FRYL: variants seen among roughly 807,000 people sequenced by gnomAD.
The protein encoded by FRYL is FRY like transcription coactivator, also known as protein furry homolog-like.
A neutral mutation model predicts 351.2 loss-of-function variants in FRYL; 150 were observed. The ratio of observed to expected loss-of-function variants is 0.43; its 90% CI spans 0.37 to 0.49. FRYL has a LOEUF of 0.49. FRYL is among the 20% of genes least tolerant of loss of function. The probability of loss-of-function intolerance (pLI) is 0.00; values close to 1 mark genes in which losing one functional copy is unlikely to be tolerated. For missense variants in FRYL, 3,036 were observed against 3,619.3 expected, an observed-to-expected ratio of 0.84 and a Z score of 4.13; for synonymous variants, 1,153 against 1,257.1, an observed-to-expected ratio of 0.92 and a Z score of 1.75.
rs900160215 is a variant in FRYL, at chr4:48,563,707, A to G, written c.3596+241T>C. The stretch of plus-strand genomic sequence containing the variant: ...CCTGGGTGACAGCGAGACCATGTCT[A>G]AAAAAAAAAAAAAAGGAGTATACGG... On this transcript the variant is annotated intron_variant, in intron 31 of 63. Transcript: ENST00000358350. Among the ~76,000 whole-genome samples the G allele has an allele frequency of 4.4e-5, 6 of 136,394 alleles. No homozygotes were observed. The East Asian group carries it at 1.3e-3, about 29-fold the overall frequency. 89.5% of individuals were successfully genotyped at this position (136,394 alleles called of 152,430 possible).
At chr4:48,534,973 G>C (rs994842339) in intron 48 of FRYL, among the ~76,000 whole-genome samples, 3 of 152,088 alleles carry the variant, frequency 2.0e-5, no homozygotes, top group Admixed American at 1.3e-4. Context: ...AACATTTTTA[G>C]TGACTAGGAA....
intron 3 of FRYL, 27 bp from the exon 4 acceptor site, chr4:48,634,517 C>G: frequency 1.3e-6 from 2 of 1,572,858 alleles, no homozygotes; most frequent in Non-Finnish European, 1.7e-6. Flanking sequence ...CAAAAGAACT[C>G]TACTTTAATA....
At chr4:48,540,165 C>CT in intron 46 of FRYL, 97 bp from the exon 47 acceptor site, 1 of 1,170,024 alleles carries the variant, frequency 8.5e-7, no homozygotes, top group Non-Finnish European at 1.2e-6. Context: ...AAACCATTTT[C>CT]TTTTCATTTC....
At chr4:48,716,125 C>A (rs1163836726) in intron 1 of FRYL, among the ~76,000 whole-genome samples, 1 of 152,086 alleles carries the variant, frequency 6.6e-6, no homozygotes, top group Admixed American at 6.6e-5. Context: ...AAAATCAATT[C>A]AAGATGGATT....
chr4:48,539,676 TAAAC>T (rs891002558), intron 47 of FRYL, among the ~76,000 whole-genome samples: 3 of 151,904 alleles, frequency 2.0e-5, no homozygotes, highest in Admixed American at 6.6e-5. Context: ...TGGTAGTAAA[TAAAC>T]GAATGAATGA....
chr4:48,547,744 C>G lies in FRYL; in HGVS notation c.4914G>C (p.Val1638=), dbSNP rs376432476. ...GAAGCAGGCGTTTACAATGTTCATACACCTCAGGGTGGCAGTGGTCAAACC... is the reference window on the plus strand; with the variant it reads ...GAAGCAGGCGTTTACAATGTTCATAGACCTCAGGGTGGCAGTGGTCAAACC... ...FIGFDHCHPE[V]YEHCKRLLLH... Residue 1638 remains valine (V), a synonymous_variant, in exon 41 of 64, where the codon GTG becomes GTC. Transcript: ENST00000358350. The G allele has an allele frequency of 1.0e-5, 16 of 1,555,304 alleles. No individual in the cohort carries two copies. The African/African-American group carries it at 1.9e-4, about 18-fold the overall frequency.
At chr4:48,711,689 G>C (rs1225027727) in intron 1 of FRYL, among the ~76,000 whole-genome samples, 1 of 152,242 alleles carries the variant, frequency 6.6e-6, no homozygotes, top group Non-Finnish European at 1.5e-5. Flanking sequence ...AAATGTCCCT[G>C]TCTGACAGCT....
chr4:48,744,944 G>A (rs896423668), intron 1 of FRYL, among the ~76,000 whole-genome samples: 1 of 152,116 alleles, frequency 6.6e-6, no homozygotes, highest in Non-Finnish European at 1.5e-5. Context: ...TACAAAGAAG[G>A]CGGCAAAGGA....
intron 19 of FRYL, among the ~76,000 whole-genome samples, chr4:48,585,657 G>C (rs200095951): frequency 2.0e-5 from 3 of 152,146 alleles, no homozygotes; most frequent in Non-Finnish European, 4.4e-5. Context: ...GGCTGCTTTT[G>C]TACTATAATG....
At position 48,753,671 on chromosome 4, in the gene FRYL, G is replaced by T. The variant is rs1354595265; in HGVS notation, c.-384+26407C>A. Among the ~76,000 whole-genome samples, 4 of 151,970 alleles carry T rather than the reference G, an allele frequency of 2.6e-5. No homozygotes were observed. In the East Asian group the frequency reaches 7.7e-4, roughly 29 times the overall value. The stretch of plus-strand genomic sequence containing the variant: ...TATGTCTAATATTTAATCTTCTGTT[G>T]TCTGTGCTTTTGGTGTCTTATTTAA... On this transcript the variant is annotated intron_variant, in intron 1 of 63. Coordinates refer to ENST00000358350, the MANE Select transcript of FRYL (RefSeq NM_015030.2).
intron 13 of FRYL, among the ~76,000 whole-genome samples, chr4:48,601,126 C>T (rs1464220102): frequency 6.6e-5 from 10 of 152,144 alleles, no homozygotes; most frequent in Admixed American, 6.5e-4. Context: ...AATAGCACAA[C>T]GAGCTGCATA....
At chr4:48,565,364 T>C (rs1205362101) in intron 29 of FRYL, among the ~76,000 whole-genome samples, 167 bp downstream of exon 29, 1 of 152,204 alleles carries the variant, frequency 6.6e-6, no homozygotes, top group Admixed American at 6.5e-5. Context: ...GGAACTGTTT[T>C]TCATTGTATT....
Position 48,499,733 on chromosome 4 carries a change from TA to T in FRYL, c.8784-54del. 3 of 1,522,070 alleles carry T rather than the reference TA, an allele frequency of 2.0e-6. No homozygotes were observed. In the African/African-American group the frequency reaches 4.1e-5, roughly 21 times the overall value. 94.3% of individuals were successfully genotyped at this position (1,522,070 alleles called of 1,614,324 possible). A position where few individuals can be genotyped will look rare whatever the true frequency, so the allele number is the denominator to read the frequency against. On this transcript the variant is annotated intron_variant, in intron 63 of 63. Transcript: ENST00000358350. ...CTGAGACTTAGGCAATAGTTAAGAC[TA>T]ACTCAATTTAAGTTAAATACCTGTA... is the stretch of plus-strand genomic sequence containing the variant.
rs542603271 is a variant in FRYL, at chr4:48,636,811, A to C, written c.-80-2321T>G. The C allele has an allele frequency of 2.6e-5, 4 of 152,216 alleles. No individual in the cohort carries two copies. The East Asian group carries it at 7.7e-4, about 29-fold the overall frequency. 9.4% of individuals were successfully genotyped at this position (152,216 alleles called of 1,614,324 possible). A position where few individuals can be genotyped will look rare whatever the true frequency, so the allele number is the denominator to read the frequency against. The stretch of plus-strand genomic sequence containing the variant: ...TAATAACTGTTAGTTGAAATTATTA[A>C]TATAAAAAAGTAACAATGAACAGAT... On this transcript the variant is annotated intron_variant, in intron 3 of 63. Coordinates refer to ENST00000358350, the MANE Select transcript of FRYL (RefSeq NM_015030.2).
At chr4:48,569,972 C>G (rs1229917325) in intron 27 of FRYL, among the ~76,000 whole-genome samples, 1 of 152,146 alleles carries the variant, frequency 6.6e-6, no homozygotes, top group Non-Finnish European at 1.5e-5. Context: ...GCCACTATTC[C>G]TGGCTGATTG....
intron 1 of FRYL, among the ~76,000 whole-genome samples, chr4:48,715,668 G>A (rs113210812): frequency 6.6e-6 from 1 of 152,114 alleles, no homozygotes; most frequent in South Asian, 2.1e-4. Context: ...TGGGTAGGAA[G>A]AATCAATATC....
At chr4:48,767,267 T>A (rs765630226) in intron 1 of FRYL, among the ~76,000 whole-genome samples, 1 of 152,010 alleles carries the variant, frequency 6.6e-6, no homozygotes, top group Non-Finnish European at 1.5e-5. Context: ...GGAAGGGGGA[T>A]GTGCTACACA....
At chr4:48,540,187 G>C in intron 46 of FRYL, 119 bp from the exon 47 acceptor site, 1 of 1,129,654 alleles carries the variant, frequency 8.9e-7, no homozygotes, top group Non-Finnish European at 1.2e-6. Flanking sequence ...TGGGATATTC[G>C]ATCTTCTAAT....
At chr4:48,626,109 G>A (rs369202874) in intron 4 of FRYL, among the ~76,000 whole-genome samples, 5 of 152,124 alleles carry the variant, frequency 3.3e-5, no homozygotes, top group African/African-American at 9.6e-5. Context: ...ATATAGCCAC[G>A]AAAGTTATGG....
Sources: allele counts gnomAD v4.1 joint callset (sites outside exome capture counted in the v4.1 genomes callset), GRCh38; gene constraint gnomAD v4.1.1; transcripts MANE v1.5; gene names NCBI Gene and HGNC (gene_info 2026-07-23, HGNC 2026-07-21).